Variants in FAM210A observed in about 807,000 individuals in gnomAD.
FAM210A encodes the protein family with sequence similarity 210 member A.
FAM210A carries 13 observed loss-of-function variants against 25.3 expected under a neutral mutation model. That is an observed-to-expected ratio of 0.51 (90% confidence interval 0.33 to 0.82). The LOEUF is 0.82. Ranked by LOEUF, FAM210A falls within the 40% of genes least tolerant of loss-of-function variation. The pLI, the probability that FAM210A is intolerant of heterozygous loss-of-function variation, is 0.02. For synonymous variants in FAM210A, 125 were observed against 118.7 expected (o/e 1.05, Z -0.35); for missense variants, 319 against 323.2 (o/e 0.99, Z 0.10).
intron 1 of FAM210A, among the ~76,000 whole-genome samples, chr18:13,689,274 C>T (rs954677600): frequency 6.6e-5 from 10 of 152,138 alleles, no homozygotes; most frequent in Admixed American, 1.3e-4. Context: ...TTTCTGGGCA[C>T]GCCTTCGAGA....
At chr18:13,704,401 A>G (rs1420874600) in intron 1 of FAM210A, among the ~76,000 whole-genome samples, 2 of 152,212 alleles carry the variant, frequency 1.3e-5, no homozygotes, top group Non-Finnish European at 2.9e-5. Flanking sequence ...AAACCTTGAA[A>G]TAAAAGCACA....
chr18:13,700,093 TAA>T (rs1251862701), intron 1 of FAM210A, among the ~76,000 whole-genome samples: 1 of 152,196 alleles, frequency 6.6e-6, no homozygotes, highest in Non-Finnish European at 1.5e-5. Flanking sequence ...TTATTTGAGT[TAA>T]GAGTCAGAAT....
intron 1 of FAM210A, among the ~76,000 whole-genome samples, chr18:13,698,151 G>A (rs950006808): frequency 2.6e-5 from 4 of 151,920 alleles, no homozygotes; most frequent in Admixed American, 6.6e-5. Context: ...TCAGGAGTTC[G>A]AGACCAGCCT....
chr18:13,687,292 C>T (rs543228558), intron 1 of FAM210A, among the ~76,000 whole-genome samples: 1 of 152,140 alleles, frequency 6.6e-6, no homozygotes. Context: ...GGCTCTTTCC[C>T]ACCCACTAGA....
At chr18:13,701,873 G>A (rs1032695000) in intron 1 of FAM210A, among the ~76,000 whole-genome samples, 1 of 152,202 alleles carries the variant, frequency 6.6e-6, no homozygotes, top group Admixed American at 6.5e-5. Context: ...TTGAGTAAAG[G>A]ATGGAACTGG....
At chr18:13,684,863 C>T (rs1365540375) in intron 1 of FAM210A, among the ~76,000 whole-genome samples, 2 of 151,970 alleles carry the variant, frequency 1.3e-5, no homozygotes, top group African/African-American at 4.8e-5. Flanking sequence ...GTTATGTTCT[C>T]AAACTAAAAG....
rs59306122 is a variant in FAM210A, at chr18:13,676,880, C to T, written c.473+4725G>A. Among the ~76,000 whole-genome samples the T allele has an allele frequency of 9.7e-3, 1,473 of 152,246 alleles. 31 individuals are homozygous for T. Among genetic ancestry groups the T allele is most frequent in the African/African-American group, 0.033 (1,359 of 41,528 alleles). ...AGGAAAACGACAGAATGGACACTGT[C>T]CACCTCAGCACATCACAACAAGGGA... On this transcript the variant is annotated intron_variant, in intron 2 of 3. Transcript: ENST00000651643.
At chr18:13,705,186 T>A (rs1392236708) in intron 1 of FAM210A, among the ~76,000 whole-genome samples, 4 of 152,228 alleles carry the variant, frequency 2.6e-5, no homozygotes, top group African/African-American at 4.8e-5. Context: ...TGAAATTGTT[T>A]AAATATACAA....
intron 1 of FAM210A, among the ~76,000 whole-genome samples, chr18:13,700,907 G>C (rs1346675123): frequency 1.3e-5 from 2 of 152,132 alleles, no homozygotes; most frequent in Non-Finnish European, 2.9e-5. Context: ...AGCCAATCCA[G>C]CTGTTTCTAT....
At chr18:13,671,787 A>G in intron 3 of FAM210A, 75 bp downstream of exon 3, 3 of 861,370 alleles carry the variant, frequency 3.5e-6, no homozygotes, top group Non-Finnish European at 5.8e-6. Context: ...GGAAGCTAAC[A>G]TGGAATCTCA....
intron 1 of FAM210A, among the ~76,000 whole-genome samples, chr18:13,683,633 C>T (rs866176050): frequency 5.7e-4 from 85 of 148,922 alleles, no homozygotes; most frequent in Non-Finnish European, 7.8e-4. Context: ...GACAAAGGTT[C>T]TCCCAGTGGT....
chr18:13,721,026 CATCTT>C (rs762923300), intron 1 of FAM210A, among the ~76,000 whole-genome samples: 37 of 152,182 alleles, frequency 2.4e-4, no homozygotes, highest in Admixed American at 2.0e-3. Flanking sequence ...AGTATGACCT[CATCTT>C]ATCTAATTAC....
chr18:13,690,237 G>C (rs1055625547), intron 1 of FAM210A, among the ~76,000 whole-genome samples: 3 of 152,230 alleles, frequency 2.0e-5, no homozygotes, highest in Admixed American at 6.5e-5. Context: ...GGCTTGAGTA[G>C]GAAAAGAAAG....
chr18:13,707,169 C>T (rs1020555599), intron 1 of FAM210A, among the ~76,000 whole-genome samples: 3 of 152,148 alleles, frequency 2.0e-5, no homozygotes, highest in Non-Finnish European at 2.9e-5. Flanking sequence ...TCTCGAAACC[C>T]AAAATAATGG....
At chr18:13,697,487 T>G (rs1601957749) in intron 1 of FAM210A, 1 of 171,830 alleles carries the variant, frequency 5.8e-6, no homozygotes, top group African/African-American at 2.4e-5. Context: ...GAATGCAAAA[T>G]GGTGCAGCCA....
intron 2 of FAM210A, 139 bp downstream of exon 2, chr18:13,681,466 T>C (rs969520000): frequency 9.7e-6 from 7 of 722,218 alleles, no homozygotes; most frequent in African/African-American, 1.8e-5. Context: ...GCTATTATTA[T>C]TAAAATGTGA....
At chr18:13,684,272 G>A (rs190233473) in intron 1 of FAM210A, among the ~76,000 whole-genome samples, 5 of 152,216 alleles carry the variant, frequency 3.3e-5, no homozygotes, top group East Asian at 3.9e-4. Context: ...GGTGGTGCAC[G>A]CCTGTAATCC....
intron 1 of FAM210A, among the ~76,000 whole-genome samples, chr18:13,709,013 G>A (rs2043802430): frequency 1.3e-5 from 2 of 152,066 alleles, no homozygotes; most frequent in African/African-American, 4.8e-5. Flanking sequence ...GTAAAATAAT[G>A]CCAGCATACA....
At chr18:13,677,431 G>C (rs200410496) in intron 2 of FAM210A, among the ~76,000 whole-genome samples, 3 of 150,348 alleles carry the variant, frequency 2.0e-5, no homozygotes, top group Non-Finnish European at 3.0e-5. Flanking sequence ...GGTCGTGATC[G>C]ACTGAGTAAG....
Sources: allele counts gnomAD v4.1 joint callset (sites outside exome capture counted in the v4.1 genomes callset), GRCh38; gene constraint gnomAD v4.1.1; transcripts MANE v1.5; gene names NCBI Gene and HGNC (gene_info 2026-07-23, HGNC 2026-07-21).